Variants in GRIK1 observed in about 807,000 individuals in gnomAD.
GRIK1 encodes glutamate ionotropic receptor kainate type subunit 1, also known as glutamate receptor ionotropic, kainate 1.
Under a neutral mutation model 105.7 loss-of-function variants are expected in GRIK1, and 69 were observed. The observed-to-expected ratio is 0.65, with a 90% CI of 0.54 to 0.80. The LOEUF (loss-of-function observed/expected upper bound fraction) is 0.80. Ranked by LOEUF, GRIK1 falls within the 30% of genes least tolerant of loss-of-function variation. The pLI is 0.00. For missense variants in GRIK1, 1,109 were observed against 1,167.3 expected, an observed-to-expected ratio of 0.95 and a Z score of 0.73; for synonymous variants, 438 against 431.3, an observed-to-expected ratio of 1.02 and a Z score of -0.19.
At chr21:29,564,908 T>A (rs2090577420) in intron 14 of GRIK1, among the ~76,000 whole-genome samples, 1 of 152,218 alleles carries the variant, frequency 6.6e-6, no homozygotes, top group African/African-American at 2.4e-5. Flanking sequence ...GCCAGCACAC[T>A]CTTCACACTA....
intron 15 of GRIK1, 74 bp from the exon 16 acceptor site, chr21:29,555,376 T>C: frequency 7.3e-7 from 1 of 1,369,738 alleles, no homozygotes; most frequent in South Asian, 1.3e-5. Flanking sequence ...TTAATTATCA[T>C]CTTTGTCATA....
chr21:29,931,877 A>T (rs2071578467), intron 1 of GRIK1, among the ~76,000 whole-genome samples: 1 of 152,168 alleles, frequency 6.6e-6, no homozygotes, highest in Non-Finnish European at 1.5e-5. Context: ...CGTTTGGTGT[A>T]AAAAATAATA....
intron 1 of GRIK1, among the ~76,000 whole-genome samples, chr21:29,708,553 T>C (rs1568999093): frequency 6.6e-6 from 1 of 152,186 alleles, no homozygotes; most frequent in Non-Finnish European, 1.5e-5. Flanking sequence ...GTACCTAACA[T>C]GGGGTTGGTT....
At chr21:29,876,118 G>A (rs1275130563) in intron 1 of GRIK1, among the ~76,000 whole-genome samples, 2 of 151,694 alleles carry the variant, frequency 1.3e-5, no homozygotes, top group African/African-American at 2.4e-5. Context: ...AGATATGTGT[G>A]TGTGTGTGTG....
chr21:29,792,220 G>A (rs140097509), intron 1 of GRIK1, among the ~76,000 whole-genome samples: 1 of 152,088 alleles, frequency 6.6e-6, no homozygotes, highest in Admixed American at 6.5e-5. Context: ...ATATAGCTTA[G>A]ATAAGTTCAG....
chr21:29,728,432 T>C (rs753956630), intron 1 of GRIK1, among the ~76,000 whole-genome samples: 4 of 152,078 alleles, frequency 2.6e-5, no homozygotes, highest in African/African-American at 7.2e-5. Flanking sequence ...AAAGTAAGAA[T>C]ACAATGGACT....
chr21:29,682,336 G>GA (rs1366315308), intron 3 of GRIK1, among the ~76,000 whole-genome samples: 4 of 152,280 alleles, frequency 2.6e-5, no homozygotes, highest in African/African-American at 9.6e-5. Flanking sequence ...TTCTGTACAT[G>GA]AATGTTCTCA....
intron 1 of GRIK1, among the ~76,000 whole-genome samples, chr21:29,810,385 G>A (rs2066978858): frequency 6.6e-6 from 1 of 151,224 alleles, no homozygotes; most frequent in Non-Finnish European, 1.5e-5. Context: ...GTGATACAGA[G>A]ATACAAAGTG....
chr21:29,746,958 A>G (rs1401328428), intron 1 of GRIK1, among the ~76,000 whole-genome samples: 2 of 152,234 alleles, frequency 1.3e-5, no homozygotes, highest in Admixed American at 1.3e-4. Flanking sequence ...CAATCAGATT[A>G]AAGGTCTATT....
At chr21:29,591,312 C>T in intron 9 of GRIK1, 87 bp from the exon 10 acceptor site, 1 of 804,766 alleles carries the variant, frequency 1.2e-6, no homozygotes, top group South Asian at 1.4e-5. Flanking sequence ...CAGGAATGGG[C>T]ACAAAAGCTC....
chr21:29,696,651 G>C (rs1164880375), intron 1 of GRIK1, among the ~76,000 whole-genome samples: 2 of 152,222 alleles, frequency 1.3e-5, no homozygotes, highest in African/African-American at 2.4e-5. Context: ...TTGTTTACTT[G>C]TCTGTCTCCT....
chr21:29,925,171 A>G (rs923737071), intron 1 of GRIK1, among the ~76,000 whole-genome samples: 8 of 152,218 alleles, frequency 5.3e-5, no homozygotes, highest in African/African-American at 1.4e-4. Context: ...TAGGTATGCT[A>G]TCTATAACAT....
At position 29,764,294 on chromosome 21, in the gene GRIK1, A is replaced by G. The variant is rs545381884; in HGVS notation, c.119-70231T>C. Among the ~76,000 whole-genome samples, 15 of 152,246 alleles carry G rather than the reference A, an allele frequency of 9.9e-5. No individual in the cohort carries two copies. In the South Asian group the frequency reaches 2.9e-3, roughly 29 times the overall value. ...TTTCAGTTTACTAGTGCCACAGAAA[A>G]CACTTTATTTTTCCACGGATGTTCA... is the stretch of plus-strand genomic sequence containing the variant. On this transcript the variant is annotated intron_variant, in intron 1 of 17. Coordinates refer to ENST00000327783, the MANE Select transcript of GRIK1 (RefSeq NM_001330994.2).
At chr21:29,541,150 T>G (rs144655624) in intron 16 of GRIK1, among the ~76,000 whole-genome samples, 8,652 of 152,174 alleles carry the variant, frequency 0.057, 293 homozygotes, top group Admixed American at 0.12. Context: ...GTATTTTTAG[T>G]AGAGATGTGG....
At chr21:29,537,460 G>T in intron 17 of GRIK1, 75 bp from the exon 18 acceptor site, 1 of 1,197,216 alleles carries the variant, frequency 8.4e-7, no homozygotes, top group Non-Finnish European at 1.2e-6. Flanking sequence ...TCTTGCCTAG[G>T]TATTTATGAA....
At chr21:29,785,909 T>G (rs1336747648) in intron 1 of GRIK1, among the ~76,000 whole-genome samples, 1 of 152,186 alleles carries the variant, frequency 6.6e-6, no homozygotes, top group East Asian at 1.9e-4. Flanking sequence ...TTCTGGTAGC[T>G]CCAGGCATTG....
intron 1 of GRIK1, among the ~76,000 whole-genome samples, chr21:29,913,361 T>C (rs1459881346): frequency 6.6e-6 from 1 of 152,088 alleles, no homozygotes; most frequent in African/African-American, 2.4e-5. Flanking sequence ...ACAATATATT[T>C]CTGTTTTTAA....
At chr21:29,764,969 A>G (rs1292318932) in intron 1 of GRIK1, among the ~76,000 whole-genome samples, 2 of 152,242 alleles carry the variant, frequency 1.3e-5, no homozygotes, top group African/African-American at 4.8e-5. Context: ...AAGCCCTTTT[A>G]GATGTTTTAT....
intron 1 of GRIK1, among the ~76,000 whole-genome samples, chr21:29,846,137 T>C (rs2068104370): frequency 6.6e-6 from 1 of 152,094 alleles, no homozygotes; most frequent in African/African-American, 2.4e-5. Flanking sequence ...ACGCCTGTAA[T>C]CTCAGAACTT....
Sources: gnomAD v4.1 joint callset for allele counts (sites outside exome capture counted in the v4.1 genomes callset) on GRCh38, gnomAD v4.1.1 for gene constraint, MANE v1.5 for transcripts, NCBI Gene and HGNC (gene_info 2026-07-23, HGNC 2026-07-21) for gene names.